Variants in HDAC2 observed in about 807,000 individuals in gnomAD.
HDAC2 encodes the protein YY1-associated factor 1.
A neutral mutation model predicts 68.5 loss-of-function variants in HDAC2; 5 were observed. That is an observed-to-expected ratio of 0.07 (90% CI 0.04 to 0.15). HDAC2 has a LOEUF of 0.15. Among genes scored for constraint, HDAC2 ranks in the 10% least tolerant of loss-of-function variants. The pLI, the probability that HDAC2 is intolerant of heterozygous loss-of-function variation, is 1.00. For synonymous variants in HDAC2, 182 were observed against 191.3 expected, an observed-to-expected ratio of 0.95 and a Z score of 0.40; for missense variants, 291 against 600.8, an observed-to-expected ratio of 0.48 and a Z score of 5.39.
intron 2 of HDAC2, among the ~76,000 whole-genome samples, chr6:113,959,453 T>A (rs991839143): frequency 6.6e-6 from 1 of 152,068 alleles, no homozygotes; most frequent in African/African-American, 2.4e-5. Flanking sequence ...GTGTTATCTG[T>A]ACTATGCTTG....
chr6:113,946,316 A>G lies in HDAC2; in HGVS notation c.842-168T>C, dbSNP rs1046717674. On this transcript the variant is annotated intron_variant, in intron 8 of 13. Transcript: ENST00000519065. ...AATGTCAAGTCTAAAACTCCTTTCC[A>G]AACACGTTATACAATAATACATATT... 5.5e-6 allele frequency: 3 copies of G among 547,242 alleles called. No individual in the cohort carries two copies. The African/African-American group carries it at 5.7e-5, about 10-fold the overall frequency. The allele number at this position is 547,242 out of a possible 1,614,324, so 33.9% of individuals were successfully genotyped here.
rs1302859642 is a variant in HDAC2 at position 113,970,305 on chromosome 6, C to T, written c.52+552G>A. Reference sequence around the variant, plus strand: ...TAAGCCGAGGAAGGAGAAGACGCTCCGGCCAGACCGAACGCAGGGTAGGGG... The same window carrying T: ...TAAGCCGAGGAAGGAGAAGACGCTCTGGCCAGACCGAACGCAGGGTAGGGG... On this transcript the variant is annotated intron_variant, in intron 1 of 13. Transcript: ENST00000519065. 2.5e-5 allele frequency: 7 copies of T among 277,468 alleles called. No homozygotes were observed. In the East Asian group the frequency reaches 5.3e-4, roughly 21 times the overall value. The allele number at this position is 277,468 out of a possible 1,614,324, so 17.2% of individuals were successfully genotyped here. A position where few individuals can be genotyped will look rare whatever the true frequency, so the allele number is the denominator to read the frequency against.
chr6:113,966,700 G>A (rs1776830426), intron 1 of HDAC2, among the ~76,000 whole-genome samples: 2 of 152,030 alleles, frequency 1.3e-5, no homozygotes, highest in Non-Finnish European at 2.9e-5. Context: ...TTATAGTGAG[G>A]AGAGAGACAA....
At chr6:113,945,313 A>G in intron 10 of HDAC2, 49 bp downstream of exon 10, 1 of 913,110 alleles carries the variant, frequency 1.1e-6, no homozygotes, top group Non-Finnish European at 1.8e-6. Context: ...AGCATACTAA[A>G]TCTTTGTCAA....
chr6:113,943,221 A>G (rs1355560479), intron 12 of HDAC2, 130 bp downstream of exon 12: 3 of 640,348 alleles, frequency 4.7e-6, no homozygotes, highest in East Asian at 2.7e-5. Context: ...TGTAAGAAAA[A>G]AGAGTCACCT....
rs770141880 is a variant in HDAC2, at chr6:113,962,138, C to T, written c.53-2120G>A. 8.2e-4 allele frequency among the ~76,000 whole-genome samples: 124 copies of T among 151,202 alleles called. 2 individuals carry two copies. Among genetic ancestry groups the T allele is most frequent in the Non-Finnish European group, 3.7e-4 (25 of 67,938 alleles). ...CTTGTTGAGTGCTTACTAGAAGGCA[C>T]TATTAAGTACTTCACATATCTTTTA... is the stretch of plus-strand genomic sequence containing the variant. On this transcript the variant is annotated intron_variant, in intron 1 of 13. Coordinates refer to ENST00000519065, the MANE Select transcript of HDAC2 (RefSeq NM_001527.4).
chr6:113,968,422 GACAAA>G (rs1301927823), intron 1 of HDAC2: 1 of 152,160 alleles, frequency 6.6e-6, no homozygotes, highest in Non-Finnish European at 1.5e-5. Context: ...TTTGTAAGCT[GACAAA>G]ACAATGTTCT....
chr6:113,967,890 G>C (rs1255420102), intron 1 of HDAC2, among the ~76,000 whole-genome samples: 2 of 152,128 alleles, frequency 1.3e-5, no homozygotes, highest in Non-Finnish European at 2.9e-5. Context: ...GAATTTGGAG[G>C]CATGGATCAA....
At chr6:113,957,542 C>T (rs1239303178) in intron 3 of HDAC2, among the ~76,000 whole-genome samples, 3 of 151,308 alleles carry the variant, frequency 2.0e-5, no homozygotes. Flanking sequence ...AGTGCAATGG[C>T]GTGAGCTTGG....
chr6:113,941,702 AT>A lies in HDAC2; in HGVS notation c.1436+5del. 1 of 1,310,346 alleles carries A rather than the reference AT, an allele frequency of 7.6e-7. No homozygotes were observed. Among genetic ancestry groups the A allele is most frequent in the Non-Finnish European group, 1.1e-6 (1 of 936,498 alleles). 81.2% of individuals were successfully genotyped at this position (1,310,346 alleles called of 1,614,324 possible). On this transcript the variant is annotated splice_donor_5th_base_variant and intron_variant, in intron 13 of 13. Coordinates refer to ENST00000519065, the MANE Select transcript of HDAC2 (RefSeq NM_001527.4). ...TAAAAAGTACTTGATAAGGAACATCATTTACCCTTTGGTATCTGTTTTTTCA... is the reference window on the plus strand; with the variant it reads ...TAAAAAGTACTTGATAAGGAACATCATTACCCTTTGGTATCTGTTTTTTCA...
At chr6:113,963,532 ATTTGATATCCAAAAT>A (rs1427300514) in intron 1 of HDAC2, among the ~76,000 whole-genome samples, 7 of 152,214 alleles carry the variant, frequency 4.6e-5, no homozygotes, top group African/African-American at 1.7e-4. Flanking sequence ...TAATCCAAAA[ATTTGATATCCAAAAT>A]GTTCCAAAAT....
intron 9 of HDAC2, 109 bp downstream of exon 9, chr6:113,945,899 T>A (rs895990566): frequency 1.2e-6 from 1 of 855,298 alleles, no homozygotes; most frequent in African/African-American, 1.7e-5. Flanking sequence ...TTTCTACTTA[T>A]CATACTTTCA....
rs1380362813 is a variant in HDAC2, at chr6:113,953,379, A to G, written c.537T>C (p.His179=). Residue 179 remains histidine (H), a synonymous_variant, in exon 6 of 14, where the codon CAT becomes CAC. Coordinates refer to ENST00000519065, the MANE Select transcript of HDAC2 (RefSeq NM_001527.4). The part of the protein sequence containing the change: ...QRVLYIDIDI[H]HGDGVEEAFY... ...AAGCTTCTTCAACACCATCACCATG[A>G]TGAATATCTATATCAATATATAAGA... 9 of 1,566,806 alleles carry G rather than the reference A, an allele frequency of 5.7e-6. No homozygotes were observed. Among genetic ancestry groups the G allele is most frequent in the Non-Finnish European group, 6.2e-6 (7 of 1,137,530 alleles).
chr6:113,951,470 C>CTTT (rs10715453), intron 6 of HDAC2, among the ~76,000 whole-genome samples: 2 of 117,212 alleles, frequency 1.7e-5, no homozygotes, highest in Admixed American at 8.7e-5. Context: ...ACTGTAAAAT[C>CTTT]TTTTTTTTTT....
intron 12 of HDAC2, among the ~76,000 whole-genome samples, chr6:113,942,168 A>T (rs1456845884): frequency 1.3e-5 from 2 of 152,054 alleles, no homozygotes; most frequent in Non-Finnish European, 2.9e-5. Context: ...CACCAAAAAC[A>T]GACAGACAAG....
intron 3 of HDAC2, among the ~76,000 whole-genome samples, chr6:113,957,703 G>C (rs1182892664): frequency 6.6e-6 from 1 of 151,984 alleles, no homozygotes; most frequent in African/African-American, 2.4e-5. Context: ...GGCCAGGCTG[G>C]TTTCGAACTC....
rs1470619436 is a variant in HDAC2 at position 113,938,337 on chromosome 6, G to C, written c.*2721C>G. ...TCTTTAGATATGAGCCTTTTGACCT[G>C]GATGAGTTACAAATCTGCCTCCCAC... On this transcript the variant is annotated 3_prime_UTR_variant, in exon 14 of 14. Coordinates refer to ENST00000519065, the MANE Select transcript of HDAC2 (RefSeq NM_001527.4). 6.6e-6 allele frequency: 1 copy of C among 151,970 alleles called. No homozygotes were observed. Among genetic ancestry groups the C allele is most frequent in the Non-Finnish European group, 1.5e-5 (1 of 67,980 alleles). The allele number at this position is 151,970 out of a possible 1,614,324, so 9.4% of individuals were successfully genotyped here. A position where few individuals can be genotyped will look rare whatever the true frequency, so the allele number is the denominator to read the frequency against.
intron 5 of HDAC2, among the ~76,000 whole-genome samples, chr6:113,953,664 A>G (rs1374949352): frequency 3.3e-5 from 5 of 152,246 alleles, no homozygotes; most frequent in Admixed American, 3.3e-4. Context: ...TCTATTCTAC[A>G]TGCTTCAAAA....
intron 1 of HDAC2, among the ~76,000 whole-genome samples, chr6:113,961,576 T>C (rs1776684308): frequency 6.6e-6 from 1 of 152,190 alleles, no homozygotes; most frequent in Non-Finnish European, 1.5e-5. Flanking sequence ...TAAGAGGCTA[T>C]GATTGCAGAA....
Sources: allele counts gnomAD v4.1 joint callset (sites outside exome capture counted in the v4.1 genomes callset), GRCh38; gene constraint gnomAD v4.1.1; transcripts MANE v1.5; gene names NCBI Gene and HGNC (gene_info 2026-07-23, HGNC 2026-07-21).